Variants in FAM13A observed in about 807,000 individuals in gnomAD.
FAM13A encodes the protein family with sequence similarity 13 member A, also known as protein FAM13A.
In FAM13A, 76 loss-of-function variants were observed where a neutral mutation model predicts 129.6. The ratio of observed to expected loss-of-function variants is 0.59; its 90% CI spans 0.49 to 0.71. FAM13A has a LOEUF of 0.71. FAM13A is among the 30% of genes least tolerant of loss of function. The pLI, the probability that FAM13A is intolerant of heterozygous loss-of-function variation, is 0.00. For synonymous variants in FAM13A, 443 were observed against 449.9 expected (o/e 0.98, Z 0.20); for missense variants, 1,108 against 1,249.3 (o/e 0.89, Z 1.70).
intron 7 of FAM13A, among the ~76,000 whole-genome samples, chr4:88,835,125 G>C (rs981938226): frequency 2.0e-5 from 3 of 152,132 alleles, no homozygotes; most frequent in Non-Finnish European, 4.4e-5. Flanking sequence ...AGCAGGCCTG[G>C]TATTCTCCTC....
rs1196690424 is a variant in FAM13A at position 89,029,552 on chromosome 4, C to T, written c.125G>A (p.Gly42Glu). The change falls in exon 2 of 24, where the codon GGA (glycine) becomes GAA (glutamate). Residue 42 changes from glycine (G) to glutamate (E), a missense_variant. Around this residue, in one of 3 missense-constraint regions of FAM13A, gnomAD observed 566 missense variants for 595.7 expected, o/e 0.95. Transcript: ENST00000264344. ...QKDFTYQKLF[G>E]VSLQELERQG... ...CCGTTCAAGTTCTTGGAGACTGACT[C>T]CAAATAACTTCTGATAGGTAAAATC... 1 of 1,595,596 alleles carries T rather than the reference C, an allele frequency of 6.3e-7. No individual in the cohort carries two copies. Among genetic ancestry groups the T allele is most frequent in the South Asian group, 1.1e-5 (1 of 87,866 alleles).
intron 8 of FAM13A, among the ~76,000 whole-genome samples, chr4:88,794,090 T>C (rs1227481011): frequency 6.6e-6 from 1 of 151,972 alleles, no homozygotes; most frequent in East Asian, 1.9e-4. Flanking sequence ...CTAAGAATAA[T>C]GAATTTTTTT....
At position 88,949,361 on chromosome 4, in the gene FAM13A, C is replaced by G. The variant is rs1756538342; in HGVS notation, c.606-11120G>C. On this transcript the variant is annotated intron_variant, in intron 4 of 23. Transcript: ENST00000264344. ...TGCTCCATCTTGTCCACATACATTC[C>G]ATGCAGATACTATGTCCTTAATTGA... 2.0e-5 allele frequency among the ~76,000 whole-genome samples: 3 copies of G among 152,220 alleles called. No individual in the cohort carries two copies. In the Middle Eastern group the frequency reaches 0.01, roughly 518 times the overall value.
chr4:88,971,830 T>A (rs546420175), intron 4 of FAM13A, among the ~76,000 whole-genome samples: 13 of 152,302 alleles, frequency 8.5e-5, no homozygotes, highest in African/African-American at 2.6e-4. Context: ...ATTTTTAATA[T>A]CAAATTACTG....
intron 7 of FAM13A, chr4:88,823,331 C>A (rs1309766997): frequency 3.4e-5 from 38 of 1,113,132 alleles, no homozygotes; most frequent in Middle Eastern, 7.7e-4. Context: ...TCCTCCTCCT[C>A]CCCCGCACCC....
At chr4:88,749,225 T>A (rs973794133) in intron 16 of FAM13A, among the ~76,000 whole-genome samples, 192 bp from the exon 17 acceptor site, 1 of 152,240 alleles carries the variant, frequency 6.6e-6, no homozygotes, top group Non-Finnish European at 1.5e-5. Flanking sequence ...GTTATTGTGA[T>A]GCTTTCAAAA....
chr4:88,807,890 TAAG>T (rs1487982069), intron 7 of FAM13A, among the ~76,000 whole-genome samples: 1 of 152,158 alleles, frequency 6.6e-6, no homozygotes, highest in East Asian at 1.9e-4. Flanking sequence ...AAAGACAAAA[TAAG>T]AAATTCTTAA....
intron 4 of FAM13A, among the ~76,000 whole-genome samples, chr4:88,968,989 TA>T (rs1759719756): frequency 6.6e-6 from 1 of 152,180 alleles, no homozygotes; most frequent in Non-Finnish European, 1.5e-5. Flanking sequence ...ATCATCAATT[TA>T]AAAGATGTTC....
At chr4:88,733,770 C>T (rs575367286) in intron 21 of FAM13A, among the ~76,000 whole-genome samples, 1 of 152,276 alleles carries the variant, frequency 6.6e-6, no homozygotes, top group African/African-American at 2.4e-5. Context: ...AAGAGAACTA[C>T]AAAAAATTAC....
chr4:88,764,727 C>T (rs2149531595), intron 13 of FAM13A, among the ~76,000 whole-genome samples: 1 of 152,238 alleles, frequency 6.6e-6, no homozygotes, highest in East Asian at 1.9e-4. Context: ...TCACATTGCC[C>T]AGATAGGATA....
At chr4:88,855,701 C>A (rs1738361195) in intron 6 of FAM13A, 3 of 107,550 alleles carry the variant, frequency 2.8e-5, no homozygotes, top group Non-Finnish European at 1.7e-5. Context: ...ATAAGGAACC[C>A]ATCACCAAAA....
At chr4:88,969,821 T>C (rs1378512539) in intron 4 of FAM13A, among the ~76,000 whole-genome samples, 2 of 152,244 alleles carry the variant, frequency 1.3e-5, no homozygotes, top group South Asian at 2.1e-4. Flanking sequence ...TCCTAGGGCA[T>C]AGAGATAGTG....
chr4:88,729,051 A>G (rs1253623441), intron 23 of FAM13A: 1 of 145,640 alleles, frequency 6.9e-6, no homozygotes, highest in Admixed American at 6.9e-5. Flanking sequence ...CAACTGGTCC[A>G]CAACTTAGTT....
Position 88,790,622 on chromosome 4 carries a change from T to C in FAM13A, c.1055A>G (p.His352Arg), listed in dbSNP as rs143862183. 12 of 1,608,428 alleles carry C rather than the reference T, an allele frequency of 7.5e-6. No individual in the cohort carries two copies. The African/African-American group carries it at 9.5e-5, about 13-fold the overall frequency. Residue 352 changes from histidine (H) to arginine (R), a missense_variant, in exon 9 of 24, where the codon CAT (histidine) becomes CGT (arginine). His to Arg is a conservative substitution (Grantham distance 29). Coordinates refer to ENST00000264344, the MANE Select transcript of FAM13A (RefSeq NM_014883.4). ...RPLSPFYLSA[H>R]VPQVSNVSAT... ...AGACACATTGCTGACTTGGGGTACA[T>C]GAGCACTGCAGAAAAGAAGCAAAGA... is the stretch of plus-strand genomic sequence containing the variant.
At chr4:89,046,433 G>C (rs1172003265) in intron 1 of FAM13A, among the ~76,000 whole-genome samples, 1 of 151,174 alleles carries the variant, frequency 6.6e-6, no homozygotes, top group Non-Finnish European at 1.5e-5. Flanking sequence ...AGAAATAACA[G>C]TCACTTCTAT....
intron 6 of FAM13A, among the ~76,000 whole-genome samples, chr4:88,896,163 A>C (rs1425898971): frequency 2.6e-5 from 4 of 151,652 alleles, no homozygotes; most frequent in South Asian, 2.1e-4. Context: ...AGTAAACTAT[A>C]GCAAGAACAA....
intron 7 of FAM13A, among the ~76,000 whole-genome samples, chr4:88,815,198 G>T (rs1313180081): frequency 6.6e-6 from 1 of 151,926 alleles, no homozygotes; most frequent in South Asian, 2.1e-4. Context: ...CCTGAGCTTG[G>T]TCTTTAAAGG....
At chr4:88,805,966 C>A (rs1728474499) in intron 7 of FAM13A, among the ~76,000 whole-genome samples, 1 of 152,054 alleles carries the variant, frequency 6.6e-6, no homozygotes, top group South Asian at 2.1e-4. Context: ...CCATGCCTGG[C>A]CTAAAAATTT....
At chr4:88,987,838 C>CAAAAAAAAAAACA (rs1762437400) in intron 4 of FAM13A, among the ~76,000 whole-genome samples, 1 of 71,188 alleles carries the variant, frequency 1.4e-5, no homozygotes, top group African/African-American at 5.9e-5. Flanking sequence ...AGACTCCTCT[C>CAAAAAAAAAAACA]AAAAAAAAAA....
Sources: gnomAD v4.1 joint callset for allele counts (sites outside exome capture counted in the v4.1 genomes callset) on GRCh38, gnomAD v4.1.1 for gene constraint, gnomAD v4.1.1 regional missense constraint, MANE v1.5 for transcripts, NCBI Gene and HGNC (gene_info 2026-07-23, HGNC 2026-07-21) for gene names.